FRMD4B: variants seen among roughly 807,000 people sequenced by gnomAD.
The protein encoded by FRMD4B is FERM domain containing 4B.
FRMD4B carries 74 observed loss-of-function variants against 141.5 expected under a neutral mutation model. The observed-to-expected ratio is 0.52, with a 90% CI of 0.43 to 0.63. The LOEUF (loss-of-function observed/expected upper bound fraction) is 0.63. Among genes scored for constraint, FRMD4B ranks in the 30% least tolerant of loss-of-function variants. FRMD4B has a pLI of 0.00. For missense variants in FRMD4B, 1,366 were observed against 1,253.4 expected, an observed-to-expected ratio of 1.09 and a Z score of -1.36; for synonymous variants, 506 against 467.9, an observed-to-expected ratio of 1.08 and a Z score of -1.05.
intron 19 of FRMD4B, among the ~76,000 whole-genome samples, chr3:69,183,522 G>C (rs992711406): frequency 8.2e-6 from 1 of 122,630 alleles, no homozygotes; most frequent in South Asian, 2.6e-4. Context: ...TTGCTCTGTC[G>C]CCCAGGCTGG....
intron 2 of FRMD4B, among the ~76,000 whole-genome samples, chr3:69,401,209 G>A (rs900279776): frequency 1.5e-4 from 23 of 152,332 alleles, no homozygotes; most frequent in African/African-American, 5.5e-4. Flanking sequence ...AAATATGGTT[G>A]TGATGAAAGT....
intron 17 of FRMD4B, 106 bp downstream of exon 17, chr3:69,193,542 G>T (rs999151539): frequency 1.5e-6 from 1 of 652,384 alleles, no homozygotes; most frequent in Non-Finnish European, 2.7e-6. Flanking sequence ...TTGATCACCT[G>T]GTTCTTCCTT....
At chr3:69,321,314 C>A (rs1197258681) in intron 1 of FRMD4B, among the ~76,000 whole-genome samples, 1 of 152,202 alleles carries the variant, frequency 6.6e-6, no homozygotes, top group Non-Finnish European at 1.5e-5. Flanking sequence ...TTCTTTGGAA[C>A]AGAAACATAT....
chr3:69,400,057 G>A (rs1379170132), intron 2 of FRMD4B, among the ~76,000 whole-genome samples: 35 of 152,106 alleles, frequency 2.3e-4, no homozygotes, highest in East Asian at 1.9e-4. Flanking sequence ...TAAAAGCTAT[G>A]AGTGACCCTA....
At chr3:69,309,061 A>G (rs890632424) in intron 3 of FRMD4B, among the ~76,000 whole-genome samples, 4 of 152,012 alleles carry the variant, frequency 2.6e-5, no homozygotes, top group African/African-American at 9.7e-5. Context: ...TGTCTGTGTT[A>G]CTCCTAGCTG....
At position 69,250,153 on chromosome 3, in the gene FRMD4B, C is replaced by T. The variant is rs368832727; in HGVS notation, c.502-54G>A. The T allele has an allele frequency of 5.9e-5, 72 of 1,219,414 alleles. No individual in the cohort carries two copies. The African/African-American group carries it at 1.0e-3, about 18-fold the overall frequency. The allele number at this position is 1,219,414 out of a possible 1,614,324, so 75.5% of individuals were successfully genotyped here. On this transcript the variant is annotated intron_variant, in intron 5 of 22. Coordinates refer to ENST00000398540, the MANE Select transcript of FRMD4B (RefSeq NM_015123.3). ...AACATGGGGCTGTCCTAGATTGTAG[C>T]AAATGGCTCTGAAGTTGAGGAAGCT... is the stretch of plus-strand genomic sequence containing the variant.
At chr3:69,494,146 C>T (rs1055189002) in intron 1 of FRMD4B, among the ~76,000 whole-genome samples, 4 of 152,172 alleles carry the variant, frequency 2.6e-5, no homozygotes, top group Non-Finnish European at 5.9e-5. Context: ...TCCCTAAGCA[C>T]TGGGATTATA....
At chr3:69,483,169 G>T (rs1706158827) in intron 1 of FRMD4B, among the ~76,000 whole-genome samples, 1 of 152,168 alleles carries the variant, frequency 6.6e-6, no homozygotes, top group Non-Finnish European at 1.5e-5. Context: ...AGTACTCTTA[G>T]TTACTAAGTA....
At chr3:69,461,389 C>G (rs1387070154) in intron 1 of FRMD4B, among the ~76,000 whole-genome samples, 1 of 136,884 alleles carries the variant, frequency 7.3e-6, no homozygotes. Context: ...TGAGACCCCC[C>G]CCATCTCTAA....
intron 12 of FRMD4B, among the ~76,000 whole-genome samples, chr3:69,197,357 G>A (rs1255329428): frequency 6.6e-6 from 1 of 152,198 alleles, no homozygotes; most frequent in African/African-American, 2.4e-5. Context: ...GCCATCACAA[G>A]TGGTAAGGAA....
intron 1 of FRMD4B, among the ~76,000 whole-genome samples, chr3:69,320,279 G>A (rs576620545): frequency 7.9e-5 from 12 of 152,122 alleles, no homozygotes; most frequent in Admixed American, 2.6e-4. Context: ...ACCCCAACTG[G>A]GAATTTTAAA....
chr3:69,294,689 C>G (rs1469404124), intron 4 of FRMD4B, among the ~76,000 whole-genome samples: 5 of 152,150 alleles, frequency 3.3e-5, no homozygotes, highest in Non-Finnish European at 5.9e-5. Flanking sequence ...CAGGGCCTTG[C>G]TGTGACCTGC....
chr3:69,225,850 G>C (rs1432112200), intron 7 of FRMD4B, among the ~76,000 whole-genome samples: 1 of 151,968 alleles, frequency 6.6e-6, no homozygotes, highest in South Asian at 2.1e-4. Context: ...CCTATTAGAG[G>C]GTAGCTACTC....
chr3:69,287,698 G>T, intron 5 of FRMD4B, 54 bp downstream of exon 5: 1 of 864,754 alleles, frequency 1.2e-6, no homozygotes, highest in Non-Finnish European at 1.9e-6. Context: ...ATTTCTTCCT[G>T]TCATCCCAGT....
chr3:69,420,986 A>C (rs1704966791), intron 2 of FRMD4B, among the ~76,000 whole-genome samples: 1 of 152,218 alleles, frequency 6.6e-6, no homozygotes, highest in Non-Finnish European at 1.5e-5. Flanking sequence ...GGGAAAGTTC[A>C]GGCCTCCCTC....
At chr3:69,282,804 A>C (rs2107022983) in intron 5 of FRMD4B, among the ~76,000 whole-genome samples, 1 of 151,780 alleles carries the variant, frequency 6.6e-6, no homozygotes, top group Admixed American at 6.6e-5. Context: ...CACCCAGCTA[A>C]TTGTTGTATT....
intron 5 of FRMD4B, among the ~76,000 whole-genome samples, chr3:69,263,638 T>C (rs946975294): frequency 3.3e-5 from 5 of 150,570 alleles, no homozygotes; most frequent in Admixed American, 3.3e-4. Flanking sequence ...TCTTGAACTC[T>C]TGGGCTTAAG....
intron 2 of FRMD4B, among the ~76,000 whole-genome samples, chr3:69,423,106 T>C (rs965718163): frequency 1.3e-5 from 2 of 152,226 alleles, no homozygotes; most frequent in African/African-American, 4.8e-5. Context: ...CAAACTTGCC[T>C]ACTGGTTAGA....
At chr3:69,253,420 A>G (rs1269249293) in intron 5 of FRMD4B, among the ~76,000 whole-genome samples, 1 of 151,874 alleles carries the variant, frequency 6.6e-6, no homozygotes, top group Non-Finnish European at 1.5e-5. Context: ...AAATGAATCC[A>G]AAGGCTATCT....
Sources: gnomAD v4.1 joint callset for allele counts (sites outside exome capture counted in the v4.1 genomes callset) on GRCh38, gnomAD v4.1.1 for gene constraint, MANE v1.5 for transcripts, NCBI Gene and HGNC (gene_info 2026-07-23, HGNC 2026-07-21) for gene names.